MUC5AC: variants seen among roughly 807,000 people sequenced by gnomAD.
The protein encoded by MUC5AC is mucin 5AC, oligomeric mucus/gel-forming, also known as mucin-5AC.
Under a neutral mutation model 169.7 loss-of-function variants are expected in MUC5AC, and 158 were observed. That is an observed-to-expected ratio of 0.93 (90% CI 0.82 to 1.06). The LOEUF (loss-of-function observed/expected upper bound fraction) is 1.06. Ranked by LOEUF, MUC5AC falls within the 50% of genes least tolerant of loss-of-function variation. The pLI is 0.00. For synonymous variants in MUC5AC, 1,975 were observed against 1,237.0 expected (o/e 1.60, Z -12.52); for missense variants, 4,359 against 3,089.9 (o/e 1.41, Z -9.74).
intron 1 of MUC5AC, among the ~76,000 whole-genome samples, chr11:1,158,541 C>A (rs917718564): frequency 3.9e-5 from 6 of 152,176 alleles, no homozygotes; most frequent in Non-Finnish European, 8.8e-5. Context: ...GAGGTCTCAG[C>A]CTCTGAGCTG....
chr11:1,192,581 T>C (rs28653192), intron 31 of MUC5AC, 56 bp downstream of exon 31: 117,346 of 742,686 alleles, frequency 0.16, 10,945 homozygotes, highest in Non-Finnish European at 0.19. Context: ...CAGTTTTTTA[T>C]CCAGGAACGC....
rs754794317 is a variant in MUC5AC at position 1,200,710 on chromosome 11, T to A, written c.*8T>A. ...GTGTCCCCCATGCACTGACCAGCAC[T>A]GCCGCCCTCCTGACCTCCAAGGAGA... On this transcript the variant is annotated 3_prime_UTR_variant, in exon 49 of 49. Coordinates refer to ENST00000621226, the MANE Select transcript of MUC5AC (RefSeq NM_001304359.2). 5.5e-6 allele frequency: 4 copies of A among 724,310 alleles called. No individual in the cohort carries two copies. In the East Asian group the frequency reaches 7.4e-5, roughly 13 times the overall value. The allele number at this position is 724,310 out of a possible 1,614,324, so 44.9% of individuals were successfully genotyped here.
chr11:1,174,697 G>C (rs1860630648), intron 17 of MUC5AC, 75 bp downstream of exon 17: 1 of 631,676 alleles, frequency 1.6e-6, no homozygotes, highest in Non-Finnish European at 2.7e-6. Flanking sequence ...AGTGTGCACA[G>C]GTTGCTCTAA....
rs1860381496 is a variant in MUC5AC, at chr11:1,167,898, A to G, written c.1408A>G (p.Thr470Ala). 6.4e-7 allele frequency: 1 copy of G among 1,550,422 alleles called. No homozygotes were observed. Among genetic ancestry groups the G allele is most frequent in the Non-Finnish European group, 8.7e-7 (1 of 1,147,026 alleles). ...LTKPCDSSAF[T>A]VLAELRRCGL... ...GCAGCCCTGTGACAGCAGTGCCTTC[A>G]CTGTACTGGCTGAGCTGCGCAGGTG... Residue 470 changes from threonine (T) to alanine (A), a missense_variant, in exon 12 of 49, where the codon ACT becomes GCT. Physicochemically the swap from Thr to Ala is moderately conservative, Grantham distance 58 (BLOSUM62 0). Coordinates refer to ENST00000621226, the MANE Select transcript of MUC5AC (RefSeq NM_001304359.2).
rs1471111345 is a variant in MUC5AC, at chr11:1,164,309, T to C, written c.993T>C (p.Pro331=). The C allele has an allele frequency of 6.2e-7, 1 of 1,612,150 alleles. No individual in the cohort carries two copies. Among genetic ancestry groups the C allele is most frequent in the African/African-American group, 1.3e-5 (1 of 75,054 alleles). The part of the protein sequence containing the change: ...AGGLPQDWRG[P]DFCPQKCPNN... Reference sequence around the variant, plus strand: ...GGTTGCCCCAGGACTGGCGGGGCCCTGACTTCTGCCGTGAGTGTCCCAGCC... The same window carrying C: ...GGTTGCCCCAGGACTGGCGGGGCCCCGACTTCTGCCGTGAGTGTCCCAGCC... The change falls in exon 8 of 49, where the codon CCT becomes CCC. Residue 331 remains proline (P), a synonymous_variant. Transcript: ENST00000621226.
intron 40 of MUC5AC, 145 bp downstream of exon 40, chr11:1,197,053 C>T (rs1284311056): frequency 1.6e-5 from 10 of 629,062 alleles, no homozygotes; most frequent in East Asian, 5.4e-5. Context: ...GAAAGGGCTG[C>T]GGGAGGAGCC....
At chr11:1,162,860 T>C in intron 5 of MUC5AC, 95 bp from the exon 6 acceptor site, 1 of 1,283,870 alleles carries the variant, frequency 7.8e-7, no homozygotes, top group Non-Finnish European at 1.1e-6. Flanking sequence ...GTCTCTTCCG[T>C]GGGCCTCGGC....
chr11:1,183,101 G>A lies in MUC5AC; in HGVS notation c.4956G>A (p.Leu1652=). The change falls in exon 31 of 49, where the codon CTG becomes CTA. Residue 1652 remains leucine, a synonymous_variant. Coordinates refer to ENST00000621226, the MANE Select transcript of MUC5AC (RefSeq NM_001304359.2). ...ICSHTEGLIC[L]NKNQLPPICY... ...GCCACACAGAGGGGCTGATTTGCCT[G>A]AACAAGAACCAGCTCCCACCCATCT... is the stretch of plus-strand genomic sequence containing the variant. 1 of 384,784 alleles carries A rather than the reference G, an allele frequency of 2.6e-6. No individual in the cohort carries two copies. Among genetic ancestry groups the A allele is most frequent in the East Asian group, 3.6e-5 (1 of 27,834 alleles). The allele number at this position is 384,784 out of a possible 1,614,324, so 23.8% of individuals were successfully genotyped here.
Position 1,174,498 on chromosome 11 carries a change from C to T in MUC5AC, c.1968C>T (p.Asn656=), listed in dbSNP as rs1860625148. ...AAVKPGTYYS[N]CMFDTCNCER... ...CCCGATGACCCCCTTCCCTGCAGAACTGCATGTTTGACACCTGCAACTGTG... is the reference window on the plus strand; with the variant it reads ...CCCGATGACCCCCTTCCCTGCAGAATTGCATGTTTGACACCTGCAACTGTG... Residue 656 remains asparagine, a splice_region_variant and synonymous_variant, in exon 17 of 49, where the codon AAC becomes AAT. Transcript: ENST00000621226. 1 of 1,547,580 alleles carries T rather than the reference C, an allele frequency of 6.5e-7. No individual in the cohort carries two copies. The highest frequency in any genetic ancestry group is 8.7e-7 in the Non-Finnish European group (1 of 1,147,068).
intron 35 of MUC5AC, 139 bp downstream of exon 35, chr11:1,194,809 G>A (rs1022348667): frequency 3.3e-6 from 2 of 611,624 alleles, no homozygotes; most frequent in South Asian, 1.9e-5. Context: ...ACAGGCATGA[G>A]GCTTACGCCT....
At chr11:1,179,044 G>A (rs904606788) in intron 25 of MUC5AC, 48 bp from the exon 26 acceptor site, 50 of 419,292 alleles carry the variant, frequency 1.2e-4, no homozygotes, top group African/African-American at 2.3e-4. Flanking sequence ...CCAAGAGCCC[G>A]CGGGGTGGTG....
In MUC5AC at chr11:1,162,689, C is replaced by T. The variant is rs149844394; in HGVS notation, c.588+43C>T. 3.3e-3 allele frequency: 5,174 copies of T among 1,567,738 alleles called. 10 individuals are homozygous for T. The highest frequency in any genetic ancestry group is 4.0e-3 in the Non-Finnish European group (4,566 of 1,139,494). On this transcript the variant is annotated intron_variant, in intron 5 of 48. Coordinates refer to ENST00000621226, the MANE Select transcript of MUC5AC (RefSeq NM_001304359.2). The stretch of plus-strand genomic sequence containing the variant: ...TGTCCCGGTGTGCAACTCCAGCCCT[C>T]GAGGGCCGGCCTGCTCCCACAGCCT...
intron 36 of MUC5AC, 52 bp downstream of exon 36, chr11:1,195,331 A>G (rs1387094328): frequency 1.4e-6 from 1 of 739,368 alleles, no homozygotes; most frequent in Non-Finnish European, 2.5e-6. Flanking sequence ...CCCACCTCCC[A>G]CCCTTCCAAG....
chr11:1,181,003 TG>T (rs1860804757), intron 28 of MUC5AC, 135 bp from the exon 29 acceptor site: 2 of 397,992 alleles, frequency 5.0e-6, no homozygotes, highest in South Asian at 1.3e-4. Flanking sequence ...TCCCCCAGTC[TG>T]GGGGTGCAAT....
At position 1,172,464 on chromosome 11, in the gene MUC5AC, G is replaced by A. The variant is rs1400762701; in HGVS notation, c.1906G>A (p.Asp636Asn). 1.0e-5 allele frequency: 4 copies of A among 398,696 alleles called. No homozygotes were observed. Among genetic ancestry groups the A allele is most frequent in the East Asian group, 3.6e-5 (1 of 28,078 alleles). The allele number at this position is 398,696 out of a possible 1,614,324, so 24.7% of individuals were successfully genotyped here. The change falls in exon 16 of 49, where the codon GAT (aspartate) becomes AAT (asparagine). Residue 636 changes from aspartate to asparagine, a missense_variant. By Grantham distance (23) the Asp-to-Asn change is conservative (BLOSUM62 1). Transcript: ENST00000621226. ...TCAGCACTGGTGCTCGCAGCTGACC[G>A]ATGCCGACGGCCCCTTCGGCCGGTG... is the stretch of plus-strand genomic sequence containing the variant. ...YAQHWCSQLTDADGPFGRCHA... is the reference protein window; with the variant it reads ...YAQHWCSQLTNADGPFGRCHA...
chr11:1,169,877 C>T (rs1860448736), intron 15 of MUC5AC, among the ~76,000 whole-genome samples: 4 of 138,214 alleles, frequency 2.9e-5, no homozygotes, highest in Non-Finnish European at 4.7e-5. Context: ...CACTCACCCA[C>T]TCACTCACCC....
intron 16 of MUC5AC, 148 bp from the exon 17 acceptor site, chr11:1,174,348 T>G: frequency 1.8e-6 from 1 of 558,562 alleles, no homozygotes; most frequent in South Asian, 2.3e-5. Flanking sequence ...GGGGGCAGGA[T>G]GCCTGTGAGG....
In MUC5AC at chr11:1,170,878, C is replaced by A. The variant is rs1179194285; in HGVS notation, c.1871-1551C>A. 2.7e-5 allele frequency among the ~76,000 whole-genome samples: 4 copies of A among 148,262 alleles called. No homozygotes were observed. The East Asian group carries it at 8.4e-4, about 31-fold the overall frequency. On this transcript the variant is annotated intron_variant, in intron 15 of 48. Coordinates refer to ENST00000621226, the MANE Select transcript of MUC5AC (RefSeq NM_001304359.2). ...TCAACCATTCACTCGCCTATTCGCC[C>A]ACTCACTCACCTCACTCACTCACCC...
chr11:1,195,006 G>T lies in MUC5AC; in HGVS notation c.15191-6G>T. 1.4e-6 allele frequency: 1 copy of T among 730,552 alleles called. No individual in the cohort carries two copies. Among genetic ancestry groups the T allele is most frequent in the East Asian group, 2.5e-5 (1 of 39,358 alleles). 45.3% of individuals were successfully genotyped at this position (730,552 alleles called of 1,614,324 possible). A position where few individuals can be genotyped will look rare whatever the true frequency, so the allele number is the denominator to read the frequency against. On this transcript the variant is annotated splice_polypyrimidine_tract_variant and splice_region_variant and intron_variant, in intron 35 of 48. Coordinates refer to ENST00000621226, the MANE Select transcript of MUC5AC (RefSeq NM_001304359.2). ...CAGCAGCCTGACCCCCACCGCGTCT[G>T]CCCAGGCACTTGCACCAACGACAGG...
Sources: allele counts gnomAD v4.1 joint callset (sites outside exome capture counted in the v4.1 genomes callset), GRCh38; gene constraint gnomAD v4.1.1; transcripts MANE v1.5; gene names NCBI Gene and HGNC (gene_info 2026-07-23, HGNC 2026-07-21).